Variants in CSRNP3 observed in about 807,000 individuals in gnomAD.
CSRNP3 encodes cysteine and serine rich nuclear protein 3, also known as cysteine/serine-rich nuclear protein 3.
A neutral mutation model predicts 48.0 loss-of-function variants in CSRNP3; 12 were observed. The observed-to-expected ratio is 0.25, with a 90% CI of 0.16 to 0.41. The LOEUF (loss-of-function observed/expected upper bound fraction) is 0.41, where lower values mean the gene tolerates loss of function less well. Among genes scored for constraint, CSRNP3 ranks in the 10% least tolerant of loss-of-function variants. The probability of loss-of-function intolerance (pLI) is 1.00; values close to 1 mark genes in which losing one functional copy is unlikely to be tolerated. For missense variants in CSRNP3, 580 were observed against 724.4 expected (o/e 0.80, Z 2.29); for synonymous variants, 263 against 269.7 (o/e 0.98, Z 0.24).
chr2:165,536,371 C>T (rs1475320221), intron 3 of CSRNP3, among the ~76,000 whole-genome samples: 1 of 151,730 alleles, frequency 6.6e-6, no homozygotes, highest in East Asian at 1.9e-4. Context: ...TATTTCTTTC[C>T]TAAGAGTTGA....
rs144768206 is a variant in CSRNP3, at chr2:165,499,362, T to C, written c.-113+4434T>C. Among the ~76,000 whole-genome samples the C allele has an allele frequency of 3.5e-3, 532 of 152,232 alleles. 2 individuals are homozygous for C. The highest frequency in any genetic ancestry group is 0.012 in the African/African-American group (509 of 41,566). ...TTTCTGACAGCTTGGGGGAAGAGTA[T>C]TTGTGTGCAAGTGAATGCAGGAAGG... On this transcript the variant is annotated intron_variant, in intron 2 of 6. Transcript: ENST00000651982.
intron 3 of CSRNP3, among the ~76,000 whole-genome samples, chr2:165,552,773 C>A (rs769199051): frequency 1.3e-5 from 2 of 152,002 alleles, no homozygotes; most frequent in African/African-American, 4.8e-5. Flanking sequence ...TGGCTCACTG[C>A]AACCTTCGCA....
At chr2:165,521,683 A>C (rs865802949) in intron 3 of CSRNP3, among the ~76,000 whole-genome samples, 1 of 152,140 alleles carries the variant, frequency 6.6e-6, no homozygotes, top group Non-Finnish European at 1.5e-5. Flanking sequence ...ATCTAATCCA[A>C]GGTTTTTCAA....
At chr2:165,640,209 CTTTG>C (rs1686701589) in intron 4 of CSRNP3, among the ~76,000 whole-genome samples, 1 of 152,134 alleles carries the variant, frequency 6.6e-6, no homozygotes, top group African/African-American at 2.4e-5. Flanking sequence ...ACGTGCCAAA[CTTTG>C]TTTAATGTGT....
chr2:165,658,505 G>A (rs1264463145), intron 5 of CSRNP3, among the ~76,000 whole-genome samples: 1 of 152,160 alleles, frequency 6.6e-6, no homozygotes, highest in Non-Finnish European at 1.5e-5. Flanking sequence ...AATCTGAAGA[G>A]GTGACTAGGC....
At chr2:165,660,367 C>T (rs935227318) in intron 5 of CSRNP3, among the ~76,000 whole-genome samples, 3 of 127,378 alleles carry the variant, frequency 2.4e-5, no homozygotes, top group Non-Finnish European at 5.1e-5. Context: ...GTTGGCTCAT[C>T]CAAATAGAAA....
intron 5 of CSRNP3, among the ~76,000 whole-genome samples, chr2:165,664,179 C>T (rs1300718653): frequency 6.6e-6 from 1 of 152,142 alleles, no homozygotes; most frequent in Non-Finnish European, 1.5e-5. Context: ...AGCTAAAGAA[C>T]TATATTATAA....
intron 3 of CSRNP3, among the ~76,000 whole-genome samples, chr2:165,540,800 T>C (rs1684946705): frequency 6.6e-6 from 1 of 152,096 alleles, no homozygotes; most frequent in Admixed American, 6.6e-5. Context: ...CCTGCCTGGA[T>C]GGCCCTGTCT....
chr2:165,497,031 A>T (rs1223159366), intron 2 of CSRNP3, among the ~76,000 whole-genome samples: 1 of 152,054 alleles, frequency 6.6e-6, no homozygotes, highest in Non-Finnish European at 1.5e-5. Flanking sequence ...GGGAGGTTTG[A>T]AAAATTATAG....
In CSRNP3 at chr2:165,657,789, A is replaced by G. The variant is rs773848096; in HGVS notation, c.177A>G (p.Arg59=). The part of the protein sequence containing the change: ...TPSSILKREK[R]LRTKNVHFSC... Reference sequence around the variant, plus strand: ...CCTCCATTCTCAAAAGGGAGAAACGACTGAGGACAAAGAATGTACATTTTA... The same window carrying G: ...CCTCCATTCTCAAAAGGGAGAAACGGCTGAGGACAAAGAATGTACATTTTA... The change falls in exon 5 of 7, where the codon CGA becomes CGG. Residue 59 remains arginine, a synonymous_variant. Coordinates refer to ENST00000651982, the MANE Select transcript of CSRNP3 (RefSeq NM_001172173.2). 3 of 1,614,012 alleles carry G rather than the reference A, an allele frequency of 1.9e-6. No individual in the cohort carries two copies. The highest frequency in any genetic ancestry group is 2.5e-6 in the Non-Finnish European group (3 of 1,179,926).
chr2:165,574,076 C>T, intron 3 of CSRNP3: 1 of 391,614 alleles, frequency 2.6e-6, no homozygotes, highest in South Asian at 5.6e-5. Flanking sequence ...GCTGACAGCC[C>T]AGTAAAACCC....
At chr2:165,486,099 G>A (rs1251308964) in intron 1 of CSRNP3, among the ~76,000 whole-genome samples, 2 of 152,294 alleles carry the variant, frequency 1.3e-5, no homozygotes, top group Non-Finnish European at 2.9e-5. Context: ...CACCGTGCGC[G>A]AGCCGAAGCA....
chr2:165,564,074 G>A (rs1029753009), intron 3 of CSRNP3, among the ~76,000 whole-genome samples: 3 of 152,028 alleles, frequency 2.0e-5, no homozygotes, highest in Admixed American at 1.3e-4. Flanking sequence ...AAATAGTTAC[G>A]TGAACCCCCT....
At chr2:165,568,283 C>T (rs912432305) in intron 3 of CSRNP3, among the ~76,000 whole-genome samples, 1 of 152,018 alleles carries the variant, frequency 6.6e-6, no homozygotes, top group Admixed American at 6.6e-5. Flanking sequence ...CCCCTGGTGA[C>T]TTTACAATGT....
At chr2:165,672,005 C>T (rs1367255428) in intron 5 of CSRNP3, among the ~76,000 whole-genome samples, 2 of 152,190 alleles carry the variant, frequency 1.3e-5, no homozygotes, top group African/African-American at 4.8e-5. Flanking sequence ...CCCACCTCAG[C>T]CTGAACTTGA....
intron 3 of CSRNP3, among the ~76,000 whole-genome samples, chr2:165,529,928 G>A (rs1482075819): frequency 6.6e-6 from 1 of 152,134 alleles, no homozygotes; most frequent in Non-Finnish European, 1.5e-5. Flanking sequence ...GAGAGTTAGC[G>A]AGAATTTGAG....
rs1320489017 is a variant in CSRNP3 at position 165,604,117 on chromosome 2, A to C, written c.148+8904A>C. 2.6e-5 allele frequency among the ~76,000 whole-genome samples: 4 copies of C among 152,354 alleles called. No homozygotes were observed. The East Asian group carries it at 5.8e-4, about 22-fold the overall frequency. On this transcript the variant is annotated intron_variant, in intron 4 of 6. Transcript: ENST00000651982. ...TTTGAAACTTACCATTCACTGCACT[A>C]GTATTAGGAGGTGGAAATATAAAAG... is the stretch of plus-strand genomic sequence containing the variant.
chr2:165,512,681 A>G (rs886098309), intron 2 of CSRNP3, among the ~76,000 whole-genome samples: 6 of 152,252 alleles, frequency 3.9e-5, no homozygotes, highest in African/African-American at 1.2e-4. Flanking sequence ...CGAATTGATT[A>G]TGGGCTGCAA....
At chr2:165,581,476 A>C (rs1414960039) in intron 3 of CSRNP3, among the ~76,000 whole-genome samples, 1 of 152,070 alleles carries the variant, frequency 6.6e-6, no homozygotes, top group Non-Finnish European at 1.5e-5. Context: ...TTATTCTCAG[A>C]TAGTGGGGTC....
Sources: gnomAD v4.1 joint callset for allele counts (sites outside exome capture counted in the v4.1 genomes callset) on GRCh38, gnomAD v4.1.1 for gene constraint, MANE v1.5 for transcripts, NCBI Gene and HGNC (gene_info 2026-07-23, HGNC 2026-07-21) for gene names.